CNTN4: variants seen among roughly 807,000 people sequenced by gnomAD.
CNTN4 encodes contactin 4.
Under a neutral mutation model 122.5 loss-of-function variants are expected in CNTN4, and 77 were observed. The ratio of observed to expected loss-of-function variants is 0.63; its 90% CI spans 0.52 to 0.76. CNTN4 has a LOEUF of 0.76. Among genes scored for constraint, CNTN4 ranks in the 30% least tolerant of loss-of-function variants. The pLI is 0.00. For synonymous variants in CNTN4, 512 were observed against 447.0 expected, an observed-to-expected ratio of 1.15 and a Z score of -1.83; for missense variants, 1,256 against 1,259.1, an observed-to-expected ratio of 1.00 and a Z score of 0.04.
intron 4 of CNTN4, among the ~76,000 whole-genome samples, chr3:2,669,843 G>T (rs985376908): frequency 2.6e-5 from 4 of 152,110 alleles, no homozygotes; most frequent in Admixed American, 1.3e-4. Flanking sequence ...CCTTCATTTC[G>T]TTATGTACCC....
chr3:2,640,768 C>T (rs567890215), intron 4 of CNTN4, among the ~76,000 whole-genome samples: 82 of 152,258 alleles, frequency 5.4e-4, no homozygotes, highest in African/African-American at 1.9e-3. Context: ...ACAGATTTTC[C>T]ACTCCTGTGA....
At chr3:2,735,675 A>G (rs754218079) in intron 4 of CNTN4, among the ~76,000 whole-genome samples, 20 of 152,162 alleles carry the variant, frequency 1.3e-4, no homozygotes, top group Non-Finnish European at 1.5e-4. Context: ...TGTGAGAATA[A>G]AGACTGTAGG....
chr3:2,762,636 T>C (rs114850698), intron 6 of CNTN4, among the ~76,000 whole-genome samples: 2,817 of 152,312 alleles, frequency 0.018, 33 homozygotes, highest in South Asian at 0.045. Context: ...GCAGTGAACA[T>C]ACACATGTGT....
At chr3:3,038,348 C>G (rs770633849) in intron 18 of CNTN4, among the ~76,000 whole-genome samples, 1 of 152,146 alleles carries the variant, frequency 6.6e-6, no homozygotes, top group Non-Finnish European at 1.5e-5. Context: ...AGCCGGGGGT[C>G]AACTTCTGTC....
intron 3 of CNTN4, among the ~76,000 whole-genome samples, chr3:2,513,663 TCA>T (rs1178696134): frequency 1.3e-5 from 2 of 152,192 alleles, no homozygotes; most frequent in Non-Finnish European, 2.9e-5. Flanking sequence ...TTGTAGTCAG[TCA>T]CCACAAATCT....
At chr3:2,886,886 G>T (rs900449807) in intron 9 of CNTN4, among the ~76,000 whole-genome samples, 154 bp from the exon 10 acceptor site, 1 of 152,176 alleles carries the variant, frequency 6.6e-6, no homozygotes, top group African/African-American at 2.4e-5. Flanking sequence ...TAGAGATGTG[G>T]ATATGATTAA....
At chr3:2,970,132 C>A (rs28649100) in intron 13 of CNTN4, among the ~76,000 whole-genome samples, 3 of 151,676 alleles carry the variant, frequency 2.0e-5, no homozygotes, top group Non-Finnish European at 4.4e-5. Context: ...TGCTCTGTCG[C>A]CCAGGCTGGA....
intron 2 of CNTN4, among the ~76,000 whole-genome samples, chr3:2,167,186 C>CT (rs988173161): frequency 5.3e-5 from 8 of 151,018 alleles, no homozygotes; most frequent in Admixed American, 1.3e-4. Flanking sequence ...TAAAAGAAGA[C>CT]TTTTTTTTTA....
chr3:2,885,135 G>C (rs1006520288), intron 9 of CNTN4, among the ~76,000 whole-genome samples: 6 of 152,316 alleles, frequency 3.9e-5, no homozygotes, highest in South Asian at 4.1e-4. Flanking sequence ...TCCCAGAGAA[G>C]ATTAGCAAGT....
chr3:2,624,152 A>T (rs1194499879), intron 4 of CNTN4, among the ~76,000 whole-genome samples: 1 of 152,210 alleles, frequency 6.6e-6, no homozygotes. Context: ...ATACTTTTAA[A>T]ATTGTTCTTC....
intron 6 of CNTN4, among the ~76,000 whole-genome samples, chr3:2,786,107 C>T (rs1357772764): frequency 2.6e-5 from 4 of 151,984 alleles, no homozygotes; most frequent in Non-Finnish European, 5.9e-5. Flanking sequence ...CCTTCCCCTC[C>T]ATCCCCTTTC....
At chr3:2,544,540 C>G (rs921328765) in intron 3 of CNTN4, among the ~76,000 whole-genome samples, 1 of 152,032 alleles carries the variant, frequency 6.6e-6, no homozygotes, top group Non-Finnish European at 1.5e-5. Flanking sequence ...CCTCAAGAAA[C>G]TTATAATTGG....
At chr3:2,582,367 C>A (rs915668591) in intron 4 of CNTN4, among the ~76,000 whole-genome samples, 3 of 152,000 alleles carry the variant, frequency 2.0e-5, no homozygotes, top group African/African-American at 7.2e-5. Flanking sequence ...TAATGAGTGG[C>A]ATAATCAGAT....
chr3:2,935,124 A>G (rs62232819), intron 13 of CNTN4, among the ~76,000 whole-genome samples: 14,066 of 152,214 alleles, frequency 0.092, 744 homozygotes, highest in Middle Eastern at 0.12. Flanking sequence ...AGCCTTTTCT[A>G]TGTGGGTATA....
At chr3:2,914,608 G>C (rs771563784) in intron 12 of CNTN4, among the ~76,000 whole-genome samples, 1 of 152,182 alleles carries the variant, frequency 6.6e-6, no homozygotes, top group East Asian at 1.9e-4. Context: ...AATGTGAATA[G>C]ACTTAGAACT....
At chr3:2,127,731 G>T (rs1388024570) in intron 2 of CNTN4, among the ~76,000 whole-genome samples, 1 of 152,070 alleles carries the variant, frequency 6.6e-6, no homozygotes, top group Non-Finnish European at 1.5e-5. Context: ...GCACCTATGA[G>T]ATGCTAAAGG....
intron 2 of CNTN4, among the ~76,000 whole-genome samples, chr3:2,101,378 C>T (rs74459954): frequency 0.077 from 11,798 of 152,236 alleles, 740 homozygotes; most frequent in African/African-American, 0.17. Context: ...TTTGTCTGAT[C>T]ATGATTTTAA....
chr3:2,926,301 T>C (rs1461290058), intron 13 of CNTN4, among the ~76,000 whole-genome samples: 2 of 152,224 alleles, frequency 1.3e-5, no homozygotes, highest in Non-Finnish European at 2.9e-5. Context: ...CAACTACATA[T>C]TTTTGAGAAA....
intron 2 of CNTN4, among the ~76,000 whole-genome samples, chr3:2,225,845 T>G (rs1403253658): frequency 6.6e-6 from 1 of 152,180 alleles, no homozygotes; most frequent in African/African-American, 2.4e-5. Flanking sequence ...GACTTGAATC[T>G]TATGGGTCTC....
Sources: allele counts gnomAD v4.1 joint callset (sites outside exome capture counted in the v4.1 genomes callset), GRCh38; gene constraint gnomAD v4.1.1; transcripts MANE v1.5; gene names NCBI Gene and HGNC (gene_info 2026-07-23, HGNC 2026-07-21).